ATF3: variants seen among roughly 807,000 people sequenced by gnomAD.
ATF3 encodes the protein activating transcription factor 3, also known as cyclic AMP-dependent transcription factor ATF-3.
In ATF3, 10 loss-of-function variants were observed where a neutral mutation model predicts 18.4. The observed-to-expected ratio is 0.54, with a 90% confidence interval of 0.34 to 0.92. The LOEUF (loss-of-function observed/expected upper bound fraction) is 0.92, where lower values mean the gene tolerates loss of function less well. Among genes scored for constraint, ATF3 ranks in the 40% least tolerant of loss-of-function variants. The pLI is 0.02. For synonymous variants in ATF3, 78 were observed against 87.9 expected (o/e 0.89, Z 0.63); for missense variants, 183 against 222.3 (o/e 0.82, Z 1.12).
upstream of ATF3, among the ~76,000 whole-genome samples, chr1:212,607,735 G>A (rs774627138): frequency 7.2e-5 from 11 of 152,190 alleles, no homozygotes; most frequent in Non-Finnish European, 1.3e-4. Flanking sequence ...CCAGGCCTGG[G>A]CAGGTTCGCG....
At chr1:212,603,082 C>A (rs930394491) in intron 1 of ATF3, among the ~76,000 whole-genome samples, 3 of 152,120 alleles carry the variant, frequency 2.0e-5, no homozygotes, top group African/African-American at 7.2e-5. Flanking sequence ...GCTATGGTGT[C>A]TTTTAGTTCT....
chr1:212,567,666 C>T (rs1478276086), intron 1 of ATF3, among the ~76,000 whole-genome samples: 4 of 152,036 alleles, frequency 2.6e-5, no homozygotes, highest in South Asian at 2.1e-4. Flanking sequence ...ATAATGCTAC[C>T]GGTGTTAATA....
At chr1:212,616,860 A>G (rs1202403002) in intron 2 of ATF3, among the ~76,000 whole-genome samples, 1 of 152,162 alleles carries the variant, frequency 6.6e-6, no homozygotes, top group Non-Finnish European at 1.5e-5. Flanking sequence ...TCTGGCCAGC[A>G]TAGCTGTAAG....
chr1:212,617,953 G>A (rs1335958718), intron 2 of ATF3, among the ~76,000 whole-genome samples, 174 bp from the exon 3 acceptor site: 2 of 151,362 alleles, frequency 1.3e-5, no homozygotes, highest in Admixed American at 6.6e-5. Context: ...GTGCGTGTGT[G>A]TGTGTGTGTG....
intron 1 of ATF3, among the ~76,000 whole-genome samples, chr1:212,589,166 A>T (rs148271658): frequency 3.6e-4 from 55 of 152,268 alleles, no homozygotes; most frequent in African/African-American, 1.3e-3. Flanking sequence ...CACACTCGGC[A>T]TCACAGCACT....
At chr1:212,586,191 G>C (rs1406651115) in intron 1 of ATF3, among the ~76,000 whole-genome samples, 2 of 152,100 alleles carry the variant, frequency 1.3e-5, no homozygotes, top group Non-Finnish European at 2.9e-5. Context: ...CTGTGGAAGG[G>C]GGCTCAGGGC....
chr1:212,601,232 T>C (rs148757944), intron 1 of ATF3, among the ~76,000 whole-genome samples: 1 of 152,324 alleles, frequency 6.6e-6, no homozygotes, highest in East Asian at 1.9e-4. Flanking sequence ...ACAGGGCTTA[T>C]GTTTGTGGTT....
At chr1:212,569,480 T>C (rs956336322) in intron 1 of ATF3, among the ~76,000 whole-genome samples, 1 of 152,166 alleles carries the variant, frequency 6.6e-6, no homozygotes, top group East Asian at 1.9e-4. Context: ...AAGACAGGAA[T>C]GGCTTCCAAA....
intron 2 of ATF3, 119 bp downstream of exon 2, chr1:212,615,380 C>T: frequency 7.8e-7 from 1 of 1,278,028 alleles, no homozygotes; most frequent in Non-Finnish European, 1.1e-6. Context: ...AACCACTGCC[C>T]TCAGGGAGCT....
intron 1 of ATF3, among the ~76,000 whole-genome samples, chr1:212,572,760 C>T (rs1023712719): frequency 6.6e-6 from 1 of 152,126 alleles, no homozygotes; most frequent in African/African-American, 2.4e-5. Flanking sequence ...TTCGCATTCT[C>T]ATTATAGCTT....
chr1:212,588,225 A>T (rs1466689650), intron 1 of ATF3, among the ~76,000 whole-genome samples: 1 of 152,120 alleles, frequency 6.6e-6, no homozygotes, highest in Admixed American at 6.5e-5. Flanking sequence ...TGTGGATTGG[A>T]TGAAAACAAG....
chr1:212,573,944 T>G (rs1012769580), intron 1 of ATF3, among the ~76,000 whole-genome samples: 2 of 74,582 alleles, frequency 2.7e-5, no homozygotes, highest in Admixed American at 1.3e-4. Flanking sequence ...ATTCATAGGG[T>G]TTTTTTTTCT....
At chr1:212,604,943 C>T (rs1439616043), upstream of ATF3, among the ~76,000 whole-genome samples, 2 of 152,124 alleles carry the variant, frequency 1.3e-5, no homozygotes, top group Non-Finnish European at 2.9e-5. Flanking sequence ...TGGCTTTCAT[C>T]AGTGTCTGCC....
chr1:212,566,606 T>C (rs547804793), intron 1 of ATF3, among the ~76,000 whole-genome samples: 76 of 152,212 alleles, frequency 5.0e-4, no homozygotes, highest in Middle Eastern at 6.8e-3. Context: ...CACGGTCAGC[T>C]GTGCCATAGA....
intron 1 of ATF3, among the ~76,000 whole-genome samples, chr1:212,601,756 T>C (rs529201513): frequency 6.6e-6 from 1 of 152,318 alleles, no homozygotes; most frequent in African/African-American, 2.4e-5. Flanking sequence ...TAAATTTGTT[T>C]TAAAATCAGT....
chr1:212,604,826 C>T (rs572969014), upstream of ATF3, among the ~76,000 whole-genome samples: 3 of 152,238 alleles, frequency 2.0e-5, 1 homozygote, highest in South Asian at 4.1e-4. Flanking sequence ...CAGAACCAGA[C>T]CCCAAACCCA....
At chr1:212,601,227 G>A (rs891682789) in intron 1 of ATF3, among the ~76,000 whole-genome samples, 3 of 152,134 alleles carry the variant, frequency 2.0e-5, no homozygotes, top group Non-Finnish European at 4.4e-5. Context: ...CAATAACAGG[G>A]CTTATGTTTG....
chr1:212,600,492 T>C (rs757711319), intron 1 of ATF3, among the ~76,000 whole-genome samples: 3 of 152,258 alleles, frequency 2.0e-5, no homozygotes, highest in Non-Finnish European at 2.9e-5. Context: ...GGGTCTGGCA[T>C]GTGCCTGGAA....
At chr1:212,585,300 C>T (rs1275523919) in intron 1 of ATF3, among the ~76,000 whole-genome samples, 1 of 152,204 alleles carries the variant, frequency 6.6e-6, no homozygotes, top group Non-Finnish European at 1.5e-5. Flanking sequence ...AGCCTGGCTT[C>T]CTCTGCCTTG....
Sources: gnomAD v4.1 joint callset for allele counts (sites outside exome capture counted in the v4.1 genomes callset) on GRCh38, gnomAD v4.1.1 for gene constraint, MANE v1.5 for transcripts, NCBI Gene and HGNC (gene_info 2026-07-23, HGNC 2026-07-21) for gene names.